The following SMARCD3 variants were observed in gnomAD, a reference collection of about 807,000 sequenced individuals.
SMARCD3 encodes the protein SWI/SNF related BAF chromatin remodeling complex subunit D3.
A neutral mutation model predicts 58.0 loss-of-function variants in SMARCD3; 14 were observed. That is an observed-to-expected ratio of 0.24 (90% confidence interval 0.16 to 0.38). The LOEUF is 0.38. Among genes scored for constraint, SMARCD3 ranks in the 10% least tolerant of loss-of-function variants. The pLI is 1.00. For synonymous variants in SMARCD3, 253 were observed against 253.8 expected, an observed-to-expected ratio of 1.00 and a Z score of 0.03; for missense variants, 408 against 636.9, an observed-to-expected ratio of 0.64 and a Z score of 3.87.
intron 2 of SMARCD3, among the ~76,000 whole-genome samples, chr7:151,269,137 GCCTGGGTAAGA>G (rs1329452009): frequency 6.6e-6 from 1 of 152,212 alleles, no homozygotes; most frequent in East Asian, 1.9e-4. Context: ...GAAGGAAGAG[GCCTGGGTAAGA>G]TGCAAGTGAG....
rs1803295170 is a variant in SMARCD3 at position 151,246,914 on chromosome 7, A to G, written c.79-1243T>C. 6.6e-6 allele frequency among the ~76,000 whole-genome samples: 1 copy of G among 151,872 alleles called. No homozygotes were observed. The highest frequency in any genetic ancestry group is 1.9e-4 in the East Asian group (1 of 5,174). ...ACCCTGGCACTGTTAACATGGACAC[A>G]CCACCCACCTCACCCCCAGGCATGA... On this transcript the variant is annotated intron_variant, in intron 1 of 12. Transcript: ENST00000262188. This position sits in a 1 kb window ranked among gnomAD's most constrained non-coding sequence, Gnocchi z 4.4.
chr7:151,240,670 G>A, intron 8 of SMARCD3, 148 bp from the exon 9 acceptor site: 1 of 637,032 alleles, frequency 1.6e-6, no homozygotes, highest in Non-Finnish European at 2.7e-6. Flanking sequence ...GGGGTGGGCT[G>A]GTCTGGTGGT....
rs1795210265 is a variant in SMARCD3, at chr7:151,272,574, G to T, written c.39+2540C>A. On this transcript the variant is annotated intron_variant, in intron 2 of 13. Transcript: ENST00000356800. ...GTTTGTAAGTTGCAGTAGGAGGCCT[G>T]TGTGGGGCGCACGCTCATGAGGCAC... Among the ~76,000 whole-genome samples, 3 of 152,180 alleles carry T rather than the reference G, an allele frequency of 2.0e-5. No homozygotes were observed. In the South Asian group the frequency reaches 6.2e-4, roughly 32 times the overall value.
Position 151,241,725 on chromosome 7 carries a change from G to C in SMARCD3, c.778-72C>G. ...AGGAGCCCAGGGCCAGGCCATTCAG[G>C]ACTAGGGGGATGTGTTGATTGAGGA... On this transcript the variant is annotated intron_variant, in intron 7 of 12. Transcript: ENST00000262188. The surrounding 1 kb of genome is among the most constrained non-coding windows in gnomAD (Gnocchi z 5.3). The C allele has an allele frequency of 6.9e-7, 1 of 1,458,046 alleles. No individual in the cohort carries two copies. Among genetic ancestry groups the C allele is most frequent in the Non-Finnish European group, 9.5e-7 (1 of 1,054,836 alleles). The allele number at this position is 1,458,046 out of a possible 1,614,324, so 90.3% of individuals were successfully genotyped here. A position where few individuals can be genotyped will look rare whatever the true frequency, so the allele number is the denominator to read the frequency against.
At chr7:151,273,165 C>T (rs952283028) in intron 2 of SMARCD3, among the ~76,000 whole-genome samples, 1 of 152,364 alleles carries the variant, frequency 6.6e-6, no homozygotes, top group Non-Finnish European at 1.5e-5. Context: ...TGCCAAACTT[C>T]CACCACCTTG....
In SMARCD3 at chr7:151,240,433, A is replaced by G. The variant is rs1354604408; in HGVS notation, c.1029T>C (p.His343=). ...AGCTGGGGCCACCTCACCTGATGAC[A>G]TGGTTGATGACAATTGGGTCAGGGG... ...LLPPDPIVIN[H]VISVDPSDQK... is the part of the protein sequence containing the mutation. Residue 343 remains histidine (H), a synonymous_variant, in exon 9 of 13, where the codon CAT becomes CAC. Coordinates refer to ENST00000262188, the MANE Select transcript of SMARCD3 (RefSeq NM_001003801.2). 3.1e-6 allele frequency: 5 copies of G among 1,613,324 alleles called. No homozygotes were observed. Among genetic ancestry groups the G allele is most frequent in the African/African-American group, 1.3e-5 (1 of 74,906 alleles).
chr7:151,244,163 C>T (rs118129682), intron 2 of SMARCD3, among the ~76,000 whole-genome samples: 2,695 of 152,204 alleles, frequency 0.018, 42 homozygotes, highest in Non-Finnish European at 0.023. Flanking sequence ...ATCCATGGAG[C>T]GGGAGGTGAC....
At chr7:151,244,879 G>A (rs1803179701) in intron 2 of SMARCD3, among the ~76,000 whole-genome samples, 1 of 152,214 alleles carries the variant, frequency 6.6e-6, no homozygotes, top group Non-Finnish European at 1.5e-5. Context: ...AGGAAAGCAA[G>A]GAAATGGGCT....
chr7:151,259,626 T>TTTTTTTTTTTTA (rs1803850533), intron 2 of SMARCD3, among the ~76,000 whole-genome samples: 4 of 144,420 alleles, frequency 2.8e-5, no homozygotes, highest in Non-Finnish European at 3.0e-5. Context: ...TTTTTTTTTT[T>TTTTTTTTTTTTA]GAGACGGACT....
intron 1 of SMARCD3, among the ~76,000 whole-genome samples, chr7:151,275,438 G>A (rs1169387755): frequency 1.3e-5 from 2 of 152,212 alleles, no homozygotes; most frequent in Admixed American, 6.5e-5. Flanking sequence ...CAGGGCGCAG[G>A]TGGGAGCAGT....
exon 2 of SMARCD3, chr7:151,275,202 C>T (rs1428995515): frequency 2.6e-6 from 4 of 1,568,298 alleles, no homozygotes; most frequent in South Asian, 2.3e-5. Flanking sequence ...CCCTCGGTGC[C>T]TGGGCCCGGA....
intron 2 of SMARCD3, among the ~76,000 whole-genome samples, chr7:151,274,936 G>T (rs1016799960): frequency 2.8e-4 from 42 of 152,198 alleles, no homozygotes; most frequent in African/African-American, 9.6e-4. Flanking sequence ...TTAATGACAG[G>T]TGTCAGCAGG....
chr7:151,251,743 C>A (rs992906489), upstream of SMARCD3, among the ~76,000 whole-genome samples: 8 of 151,950 alleles, frequency 5.3e-5, no homozygotes, highest in Non-Finnish European at 8.8e-5. Flanking sequence ...GCGCCGCAGT[C>A]CCCCCTGCCG....
chr7:151,242,246 A>G lies in SMARCD3; in HGVS notation c.580-14T>C. 6.2e-7 allele frequency: 1 copy of G among 1,606,480 alleles called. No individual in the cohort carries two copies. Among genetic ancestry groups the G allele is most frequent in the Non-Finnish European group, 8.5e-7 (1 of 1,173,050 alleles). On this transcript the variant is annotated splice_polypyrimidine_tract_variant and intron_variant, in intron 5 of 12. Coordinates refer to ENST00000262188, the MANE Select transcript of SMARCD3 (RefSeq NM_001003801.2). The surrounding 1 kb of genome is among the most constrained non-coding windows in gnomAD (Gnocchi z 4.7). ...CTGTTTGCTGGGCTGTGGGAGAGCA[A>G]CAGGGACCATGGGGGCAGAACAGGG...
At position 151,239,526 on chromosome 7, in the gene SMARCD3, G is replaced by A; in HGVS notation, c.1297-29C>T. On this transcript the variant is annotated intron_variant, in intron 11 of 12. Coordinates refer to ENST00000262188, the MANE Select transcript of SMARCD3 (RefSeq NM_001003801.2). The surrounding 1 kb of genome is among the most constrained non-coding windows in gnomAD (Gnocchi z 7.0). Reference sequence around the variant, plus strand: ...GGAGGGAGCGTGGGGTGAGCCCTGAGCCCTGAATCCCCTCACCTGCCCCTG... The same window carrying A: ...GGAGGGAGCGTGGGGTGAGCCCTGAACCCTGAATCCCCTCACCTGCCCCTG... The A allele has an allele frequency of 6.2e-7, 1 of 1,608,518 alleles. No individual in the cohort carries two copies. The highest frequency in any genetic ancestry group is 8.5e-7 in the Non-Finnish European group (1 of 1,175,314).
At position 151,242,581 on chromosome 7, in the gene SMARCD3, T is replaced by A. The variant is rs182299814; in HGVS notation, c.479A>T (p.Tyr160Phe). The change falls in exon 5 of 13, where the codon TAT becomes TTT. Residue 160 changes from tyrosine (Y) to phenylalanine (F), a missense_variant. Physicochemically the swap from Tyr to Phe is conservative, Grantham distance 22. Coordinates refer to ENST00000262188, the MANE Select transcript of SMARCD3 (RefSeq NM_001003801.2). The surrounding 1 kb of genome is among the most constrained non-coding windows in gnomAD (Gnocchi z 4.7). ...PMKQKRKLRLYISNTFNPAKP... is the reference protein window; with the variant it reads ...PMKQKRKLRLFISNTFNPAKP... ...CGCAGGGTTAAAAGTGTTGGAGATA[T>A]AGAGTCGCAGCTTCCGCTTTTGCTG... is the stretch of plus-strand genomic sequence containing the variant. The A allele has an allele frequency of 1.9e-6, 3 of 1,613,630 alleles. No homozygotes were observed. The highest frequency in any genetic ancestry group is 2.5e-6 in the Non-Finnish European group (3 of 1,179,604).
In SMARCD3 at chr7:151,245,756, TC is replaced by T. The variant is rs1050030483; in HGVS notation, c.79-86del. ...GCTCCAGGCGCGGTGAGCCGGCGTC[TC>T]CCCTCCCCCACCAGACCCTCGGCTG... On this transcript the variant is annotated intron_variant, in intron 1 of 12. Transcript: ENST00000262188. This position sits in a 1 kb window ranked among gnomAD's most constrained non-coding sequence, Gnocchi z 6.2. 3 of 387,702 alleles carry T rather than the reference TC, an allele frequency of 7.7e-6. No individual in the cohort carries two copies. The highest frequency in any genetic ancestry group is 4.2e-5 in the African/African-American group (2 of 47,972). The allele number at this position is 387,702 out of a possible 1,614,324, so 24.0% of individuals were successfully genotyped here. A position where few individuals can be genotyped will look rare whatever the true frequency, so the allele number is the denominator to read the frequency against.
At chr7:151,277,100 G>A (rs979027052), upstream of SMARCD3, 4 of 150,106 alleles carry the variant, frequency 2.7e-5, no homozygotes, top group African/African-American at 7.3e-5. Flanking sequence ...ACCCCGGCCC[G>A]GAGCGCGGCC....
chr7:151,258,625 C>T (rs1744728742), intron 2 of SMARCD3, among the ~76,000 whole-genome samples: 1 of 151,672 alleles, frequency 6.6e-6, no homozygotes, highest in African/African-American at 2.4e-5. Flanking sequence ...CATTGCTCTG[C>T]TCTAAACCCT....
Sources: gnomAD v4.1 joint callset for allele counts (sites outside exome capture counted in the v4.1 genomes callset) on GRCh38, gnomAD v4.1.1 for gene constraint, Gnocchi (gnomAD v3.1) non-coding constraint, MANE v1.5 for transcripts, NCBI Gene and HGNC (gene_info 2026-07-23, HGNC 2026-07-21) for gene names.